Variants in FBXL5 observed in about 807,000 individuals in gnomAD.
FBXL5 encodes the protein F-box and leucine rich repeat protein 5.
In FBXL5, 26 loss-of-function variants were observed where a neutral mutation model predicts 78.3. That is an observed-to-expected ratio of 0.33 (90% CI 0.24 to 0.46). FBXL5 has a LOEUF of 0.46. Among genes scored for constraint, FBXL5 ranks in the 20% least tolerant of loss-of-function variants. The pLI, the probability that FBXL5 is intolerant of heterozygous loss-of-function variation, is 1.00. For missense variants in FBXL5, 710 were observed against 829.2 expected (o/e 0.86, Z 1.77); for synonymous variants, 295 against 282.5 (o/e 1.04, Z -0.45).
chr4:15,678,469 C>A (rs557207937), intron 1 of FBXL5, among the ~76,000 whole-genome samples: 1 of 152,144 alleles, frequency 6.6e-6, no homozygotes, highest in South Asian at 2.1e-4. Flanking sequence ...TTTAATAACT[C>A]AAAGGGGTTA....
In FBXL5 at chr4:15,636,552, A is replaced by T. The variant is rs779039703; in HGVS notation, c.708T>A (p.Ser236=). 3 of 1,614,018 alleles carry T rather than the reference A, an allele frequency of 1.9e-6. No homozygotes were observed. Among genetic ancestry groups the T allele is most frequent in the African/African-American group, 1.3e-5 (1 of 75,058 alleles). Residue 236 remains serine (S), a synonymous_variant, in exon 5 of 11, where the codon TCT becomes TCA. Coordinates refer to ENST00000341285, the MANE Select transcript of FBXL5 (RefSeq NM_012161.4). ...AAAGCGATCCCGTTTTTGTCAGCTG[A>T]GACCATTTCATGCTTACTTGACTGC... ...CRCSQVSMKW[S]QLTKTGSLWK...
intron 1 of FBXL5, among the ~76,000 whole-genome samples, chr4:15,650,464 C>A (rs1190998450): frequency 6.6e-6 from 1 of 152,076 alleles, no homozygotes; most frequent in African/African-American, 2.4e-5. Context: ...TTATGACCTA[C>A]TACTAATAGG....
chr4:15,610,617 A>C (rs1722185581), intron 10 of FBXL5, among the ~76,000 whole-genome samples: 1 of 152,146 alleles, frequency 6.6e-6, no homozygotes, highest in Non-Finnish European at 1.5e-5. Flanking sequence ...TAATTATTTC[A>C]TTTTATCCCA....
intron 5 of FBXL5, among the ~76,000 whole-genome samples, chr4:15,634,435 A>G (rs11728084): frequency 0.69 from 104,742 of 151,774 alleles, 36,279 homozygotes; most frequent in East Asian, 0.81. Flanking sequence ...GGCACATCTC[A>G]GCTCACTGCC....
chr4:15,623,020 A>C lies in FBXL5; in HGVS notation c.1850+2232T>G, dbSNP rs1560216862. ...TTGATAATATCAGAATTTGTTAATG[A>C]AGTGCCAAAAATCATACCCTAAAAT... On this transcript the variant is annotated intron_variant, in intron 9 of 10. Coordinates refer to ENST00000341285, the MANE Select transcript of FBXL5 (RefSeq NM_012161.4). 2.0e-5 allele frequency among the ~76,000 whole-genome samples: 3 copies of C among 152,194 alleles called. No homozygotes were observed. The South Asian group carries it at 6.2e-4, about 31-fold the overall frequency.
At chr4:15,653,493 T>C (rs1199814946) in intron 1 of FBXL5, among the ~76,000 whole-genome samples, 6 of 152,182 alleles carry the variant, frequency 3.9e-5, no homozygotes, top group Non-Finnish European at 8.8e-5. Flanking sequence ...TGGAAATCGA[T>C]GAAAGCTACA....
intron 1 of FBXL5, among the ~76,000 whole-genome samples, chr4:15,668,989 C>T (rs752990030): frequency 1.6e-4 from 24 of 152,154 alleles, no homozygotes; most frequent in Non-Finnish European, 3.1e-4. Context: ...CTTCATAATC[C>T]ACCTTGTTGA....
chr4:15,609,355 A>C (rs140745536), intron 10 of FBXL5, among the ~76,000 whole-genome samples: 37 of 152,230 alleles, frequency 2.4e-4, no homozygotes, highest in Non-Finnish European at 4.7e-4. Flanking sequence ...AGATGATAGG[A>C]AGTATAAGGT....
intron 9 of FBXL5, among the ~76,000 whole-genome samples, chr4:15,614,197 A>C (rs1379286534): frequency 6.6e-6 from 1 of 152,108 alleles, no homozygotes; most frequent in Non-Finnish European, 1.5e-5. Flanking sequence ...AACTGCTGTA[A>C]TTGTTCTTTT....
intron 1 of FBXL5, among the ~76,000 whole-genome samples, chr4:15,672,566 C>T (rs1488113650): frequency 6.6e-6 from 1 of 152,056 alleles, no homozygotes; most frequent in Non-Finnish European, 1.5e-5. Context: ...AGTAAAAATA[C>T]AGTATGAAAG....
intron 9 of FBXL5, among the ~76,000 whole-genome samples, chr4:15,613,759 G>A (rs1722430852): frequency 1.3e-5 from 2 of 152,042 alleles, no homozygotes; most frequent in African/African-American, 2.4e-5. Context: ...CTCTAAGTGT[G>A]TCCTTCATTT....
At chr4:15,611,508 CAG>C (rs1291869232) in intron 10 of FBXL5, among the ~76,000 whole-genome samples, 1 of 152,066 alleles carries the variant, frequency 6.6e-6, no homozygotes, top group East Asian at 1.9e-4. Flanking sequence ...TTACTAATAA[CAG>C]AAGAGCAGCT....
At chr4:15,613,943 G>T (rs1315813906) in intron 9 of FBXL5, among the ~76,000 whole-genome samples, 1 of 152,082 alleles carries the variant, frequency 6.6e-6, no homozygotes, top group Non-Finnish European at 1.5e-5. Flanking sequence ...TCCGGCAATT[G>T]AGAGATTTCT....
rs185422350 is a variant in FBXL5 at position 15,617,521 on chromosome 4, C to G, written c.1851-5107G>C. On this transcript the variant is annotated intron_variant, in intron 9 of 10. Transcript: ENST00000341285. The stretch of plus-strand genomic sequence containing the variant: ...CAAGATCGCACCACTGTACTCCAGC[C>G]CAACAGAGTGAGACTCCATGTCTCA... 6.7e-4 allele frequency among the ~76,000 whole-genome samples: 99 copies of G among 147,012 alleles called. 1 individual carries two copies. The highest frequency in any genetic ancestry group is 2.4e-3 in the African/African-American group (97 of 39,636).
chr4:15,638,400 G>A, intron 4 of FBXL5, 108 bp downstream of exon 4: 1 of 682,306 alleles, frequency 1.5e-6, no homozygotes, highest in Admixed American at 3.5e-5. Flanking sequence ...ACTGACCACA[G>A]TGCAGGCCTA....
intron 1 of FBXL5, among the ~76,000 whole-genome samples, chr4:15,671,326 T>C (rs1490155511): frequency 6.6e-6 from 1 of 152,210 alleles, no homozygotes; most frequent in African/African-American, 2.4e-5. Context: ...ATGTAACTTC[T>C]TACCTTTGTA....
intron 6 of FBXL5, among the ~76,000 whole-genome samples, chr4:15,630,201 A>T (rs921814847): frequency 6.6e-6 from 1 of 152,204 alleles, no homozygotes; most frequent in African/African-American, 2.4e-5. Context: ...ATTTACAAAC[A>T]ATATTTATGT....
chr4:15,635,700 C>G (rs1714175976), intron 5 of FBXL5, among the ~76,000 whole-genome samples: 2 of 150,452 alleles, frequency 1.3e-5, no homozygotes, highest in African/African-American at 4.9e-5. Context: ...TTGCAGCGAC[C>G]CAAGATCGCG....
intron 10 of FBXL5, 75 bp downstream of exon 10, chr4:15,612,191 G>T: frequency 1.7e-6 from 2 of 1,209,244 alleles, no homozygotes; most frequent in South Asian, 2.0e-5. Context: ...AAACTAAATG[G>T]AAAAATTATT....
Sources: allele counts gnomAD v4.1 joint callset (sites outside exome capture counted in the v4.1 genomes callset), GRCh38; gene constraint gnomAD v4.1.1; transcripts MANE v1.5; gene names NCBI Gene and HGNC (gene_info 2026-07-23, HGNC 2026-07-21).